Variants in CNTLN observed in about 807,000 individuals in gnomAD.
The protein encoded by CNTLN is centlein.
Under a neutral mutation model 180.0 loss-of-function variants are expected in CNTLN, and 212 were observed. The observed-to-expected ratio is 1.18, with a 90% confidence interval of 1.05 to 1.32. The LOEUF (loss-of-function observed/expected upper bound fraction) is 1.32, where lower values mean the gene tolerates loss of function less well. Among genes scored for constraint, CNTLN ranks in the 40% most tolerant of loss-of-function variants. The pLI is 0.00. For synonymous variants in CNTLN, 722 were observed against 563.1 expected (o/e 1.28, Z -3.99); for missense variants, 2,095 against 1,610.9 (o/e 1.30, Z -5.14).
chr9:17,259,665 T>C (rs1826798480), intron 5 of CNTLN, among the ~76,000 whole-genome samples: 1 of 151,114 alleles, frequency 6.6e-6, no homozygotes, highest in African/African-American at 2.5e-5. Flanking sequence ...CTGTTATTGG[T>C]CTATTCAGAG....
Position 17,330,642 on chromosome 9 carries a change from G to T in CNTLN, c.1352G>T (p.Arg451Leu), listed in dbSNP as rs765685721. Residue 451 changes from arginine to leucine, a missense_variant, in exon 9 of 26, where the codon CGC becomes CTC. Transcript: ENST00000380647. ...TACTTTTTAAAATAGGTACCTCATC[G>T]CCCATCCTTATCAAGCTTAGAAACG... ...DPDYSAQVPH[R>L]PSLSSLETLM... 3 of 1,581,486 alleles carry T rather than the reference G, an allele frequency of 1.9e-6. No homozygotes were observed. The highest frequency in any genetic ancestry group is 2.3e-5 in the South Asian group (2 of 85,126).
chr9:17,262,290 G>A (rs1225234762), intron 5 of CNTLN, among the ~76,000 whole-genome samples: 1 of 151,516 alleles, frequency 6.6e-6, no homozygotes, highest in Non-Finnish European at 1.5e-5. Context: ...GTTTATTGCA[G>A]CACTATGTAC....
intron 18 of CNTLN, among the ~76,000 whole-genome samples, chr9:17,437,108 C>T (rs1334121997): frequency 6.6e-5 from 10 of 152,076 alleles, no homozygotes; most frequent in Admixed American, 3.3e-4. Context: ...AAATGTCACT[C>T]GGATCATGTT....
chr9:17,249,642 T>C (rs1454147633), intron 5 of CNTLN, among the ~76,000 whole-genome samples: 1 of 151,984 alleles, frequency 6.6e-6, no homozygotes, highest in Non-Finnish European at 1.5e-5. Context: ...AGCTGCTGCA[T>C]CCAGCTGAGT....
At chr9:17,464,734 G>T in intron 21 of CNTLN, 111 bp downstream of exon 21, 1 of 630,750 alleles carries the variant, frequency 1.6e-6, no homozygotes, top group Non-Finnish European at 2.5e-6. Flanking sequence ...GATAGGATAT[G>T]TATTTACTGT....
At chr9:17,355,526 T>C (rs1822766180) in intron 12 of CNTLN, among the ~76,000 whole-genome samples, 1 of 152,176 alleles carries the variant, frequency 6.6e-6, no homozygotes, top group African/African-American at 2.4e-5. Context: ...TAGTCAGAGA[T>C]TTATCCTCAT....
chr9:17,429,425 A>G (rs774459771), intron 18 of CNTLN, among the ~76,000 whole-genome samples: 2 of 152,088 alleles, frequency 1.3e-5, no homozygotes, highest in African/African-American at 4.8e-5. Context: ...ACATTCTTCA[A>G]TTAATCATCT....
At chr9:17,377,835 A>C (rs1321940984) in intron 13 of CNTLN, among the ~76,000 whole-genome samples, 1 of 152,192 alleles carries the variant, frequency 6.6e-6, no homozygotes, top group Non-Finnish European at 1.5e-5. Flanking sequence ...TGCCTTTGCT[A>C]AGTGGATGCC....
chr9:17,242,908 G>C (rs1825582853), intron 5 of CNTLN, among the ~76,000 whole-genome samples: 1 of 152,096 alleles, frequency 6.6e-6, no homozygotes, highest in African/African-American at 2.4e-5. Flanking sequence ...AGAATAGTTT[G>C]AGCAGGATTG....
downstream of CNTLN, among the ~76,000 whole-genome samples, chr9:17,505,333 G>A (rs1833913328): frequency 6.6e-6 from 1 of 151,556 alleles, no homozygotes; most frequent in Non-Finnish European, 1.5e-5. Flanking sequence ...AGCCTAATAA[G>A]GCAAGAAAAG....
chr9:17,466,949 C>G (rs1831788812), intron 23 of CNTLN, 58 bp downstream of exon 23: 2 of 1,225,636 alleles, frequency 1.6e-6, no homozygotes, highest in Non-Finnish European at 1.2e-6. Flanking sequence ...TAGGCAGTAG[C>G]CTACTTGAGA....
At chr9:17,463,061 CA>C in intron 20 of CNTLN, 48 bp downstream of exon 20, 10 of 1,101,360 alleles carry the variant, frequency 9.1e-6, no homozygotes, top group East Asian at 5.0e-5. Flanking sequence ...CACCTAGTGG[CA>C]ACCAGCTCTA....
intron 13 of CNTLN, among the ~76,000 whole-genome samples, chr9:17,386,631 G>A (rs1294739379): frequency 6.6e-6 from 1 of 151,820 alleles, no homozygotes. Context: ...CGGTGAAGGG[G>A]AGAAACAAAC....
chr9:17,312,384 A>ATATAATATATATATATATATT (rs1563985021), intron 8 of CNTLN, among the ~76,000 whole-genome samples: 10 of 108,096 alleles, frequency 9.3e-5, no homozygotes, highest in African/African-American at 3.6e-4. Context: ...ATATATATAT[A>ATATAATATATATATATATATT]ATTTATTTAT....
chr9:17,287,113 TG>T (rs1829033066), intron 6 of CNTLN, among the ~76,000 whole-genome samples: 1 of 116,294 alleles, frequency 8.6e-6, no homozygotes, highest in East Asian at 2.6e-4. Context: ...TTCCAGTTTT[TG>T]CCCATTCAGT....
chr9:17,267,791 A>T (rs567885590), intron 5 of CNTLN, among the ~76,000 whole-genome samples: 1 of 152,024 alleles, frequency 6.6e-6, no homozygotes, highest in African/African-American at 2.4e-5. Flanking sequence ...CATTCATTTC[A>T]TCTTCCATCA....
chr9:17,386,966 T>A (rs1355939470), intron 13 of CNTLN, among the ~76,000 whole-genome samples: 2 of 152,188 alleles, frequency 1.3e-5, no homozygotes, highest in African/African-American at 4.8e-5. Flanking sequence ...AAGAAGAAAC[T>A]TGGGAACTGA....
intron 2 of CNTLN, among the ~76,000 whole-genome samples, chr9:17,211,617 T>C (rs1823318928): frequency 6.6e-6 from 1 of 152,214 alleles, no homozygotes; most frequent in African/African-American, 2.4e-5. Flanking sequence ...TTGATGGGGA[T>C]GGCATTGAAT....
chr9:17,451,274 T>G (rs1337398855), intron 18 of CNTLN, among the ~76,000 whole-genome samples: 1 of 152,214 alleles, frequency 6.6e-6, no homozygotes, highest in African/African-American at 2.4e-5. Context: ...TTATTTACAT[T>G]CTGGTAACAG....
Sources: allele counts gnomAD v4.1 joint callset (sites outside exome capture counted in the v4.1 genomes callset), GRCh38; gene constraint gnomAD v4.1.1; transcripts MANE v1.5; gene names NCBI Gene and HGNC (gene_info 2026-07-23, HGNC 2026-07-21).